The following RBM46 variants were observed in gnomAD, a reference collection of about 807,000 sequenced individuals.
RBM46 encodes RNA binding motif protein 46.
In RBM46, 12 loss-of-function variants were observed where a neutral mutation model predicts 43.3. The ratio of observed to expected loss-of-function variants is 0.28; its 90% confidence interval spans 0.18 to 0.45. The LOEUF is 0.45. Among genes scored for constraint, RBM46 ranks in the 20% least tolerant of loss-of-function variants. RBM46 has a pLI of 1.00. For synonymous variants in RBM46, 205 were observed against 207.6 expected, an observed-to-expected ratio of 0.99 and a Z score of 0.11; for missense variants, 412 against 639.1, an observed-to-expected ratio of 0.64 and a Z score of 3.83.
At chr4:154,799,658 T>C (rs1734523185) in intron 4 of RBM46, 94 bp downstream of exon 4, 1 of 818,936 alleles carries the variant, frequency 1.2e-6, no homozygotes, top group East Asian at 2.9e-5. Context: ...TCAACATTAG[T>C]GGTAAGTATG....
chr4:154,785,911 A>C (rs902481490), intron 1 of RBM46, among the ~76,000 whole-genome samples: 4 of 152,346 alleles, frequency 2.6e-5, no homozygotes, highest in African/African-American at 9.6e-5. Context: ...GTCCACTTGC[A>C]GTTGTAATAT....
intron 4 of RBM46, 26 bp downstream of exon 4, chr4:154,799,590 T>C (rs1734520151): frequency 7.1e-7 from 1 of 1,417,206 alleles, no homozygotes; most frequent in Admixed American, 2.7e-5. Flanking sequence ...CTTTAAATGA[T>C]GTATAATATG....
chr4:154,818,681 C>G (rs1202229794), intron 4 of RBM46, among the ~76,000 whole-genome samples: 1 of 140,532 alleles, frequency 7.1e-6, no homozygotes, highest in Non-Finnish European at 1.6e-5. Flanking sequence ...TGTTCATTTT[C>G]TCTCTTATTT....
At chr4:154,811,892 G>T (rs1199866015) in intron 4 of RBM46, among the ~76,000 whole-genome samples, 1 of 151,942 alleles carries the variant, frequency 6.6e-6, no homozygotes, top group African/African-American at 2.4e-5. Flanking sequence ...TGTTGGCCAG[G>T]CTGGTCACTA....
intron 1 of RBM46, 152 bp downstream of exon 1, chr4:154,781,588 G>C (rs1432393908): frequency 6.6e-6 from 1 of 152,398 alleles, no homozygotes; most frequent in Non-Finnish European, 1.5e-5. Context: ...GTCGAGCAGT[G>C]GGAGGGCAAG....
At position 154,799,155 on chromosome 4, in the gene RBM46, T is replaced by G; in HGVS notation, c.993T>G (p.Ile331Met). ...GQISPNSENL[I>M]VFANKEESHP... is the part of the protein sequence containing the mutation. The stretch of plus-strand genomic sequence containing the variant: ...TTAGTCCAAATTCTGAAAATCTGAT[T>G]GTGTTTGCTAACAAAGAAGAGAGCC... The change falls in exon 4 of 5, where the codon ATT (isoleucine) becomes ATG (methionine). Residue 331 changes from isoleucine to methionine, a missense_variant. By Grantham distance (10) the Ile-to-Met change is conservative (BLOSUM62 1). Around this residue, in one of 8 missense-constraint regions of RBM46, gnomAD observed 105 missense variants for 111.0 expected, o/e 0.95. Transcript: ENST00000281722. 2 of 1,614,140 alleles carry G rather than the reference T, an allele frequency of 1.2e-6. No individual in the cohort carries two copies. The highest frequency in any genetic ancestry group is 1.7e-6 in the Non-Finnish European group (2 of 1,180,028).
chr4:154,807,937 AGT>A (rs1319181718), intron 4 of RBM46, among the ~76,000 whole-genome samples: 1 of 152,032 alleles, frequency 6.6e-6, no homozygotes, highest in African/African-American at 2.4e-5. Flanking sequence ...TGTACACAAT[AGT>A]TCATATTTTA....
chr4:154,825,301 A>T (rs932168805), intron 4 of RBM46, among the ~76,000 whole-genome samples: 3 of 152,126 alleles, frequency 2.0e-5, no homozygotes, highest in Non-Finnish European at 4.4e-5. Flanking sequence ...TACGAAAATT[A>T]TATGTTACAA....
rs143689714 is a variant in RBM46 at position 154,806,330 on chromosome 4, T to C, written c.1402+6766T>C. On this transcript the variant is annotated intron_variant, in intron 4 of 4. Transcript: ENST00000281722. ...GAATCCTTTCTCAGCCATCAACAAATTGTGTGACCTTAGAATGGCAAATGA... is the reference window on the plus strand; with the variant it reads ...GAATCCTTTCTCAGCCATCAACAAACTGTGTGACCTTAGAATGGCAAATGA... 3.9e-4 allele frequency among the ~76,000 whole-genome samples: 60 copies of C among 151,948 alleles called. 1 individual carries two copies. In the East Asian group the frequency reaches 0.01, roughly 26 times the overall value.
intron 4 of RBM46, among the ~76,000 whole-genome samples, chr4:154,817,200 A>T (rs902168030): frequency 1.3e-5 from 2 of 151,980 alleles, no homozygotes; most frequent in African/African-American, 4.8e-5. Flanking sequence ...TTGGTGTTAC[A>T]TCGTTTTTGA....
At chr4:154,825,545 T>G (rs904852532) in intron 4 of RBM46, among the ~76,000 whole-genome samples, 3 of 152,168 alleles carry the variant, frequency 2.0e-5, no homozygotes, top group Non-Finnish European at 2.9e-5. Flanking sequence ...TTGTGAAGGA[T>G]TTTTTTCCTT....
At chr4:154,782,761 G>A (rs772996263) in intron 1 of RBM46, among the ~76,000 whole-genome samples, 4 of 152,178 alleles carry the variant, frequency 2.6e-5, no homozygotes, top group Non-Finnish European at 4.4e-5. Flanking sequence ...GATTACAGGC[G>A]TGAGCCATCG....
intron 1 of RBM46, among the ~76,000 whole-genome samples, chr4:154,790,862 G>C (rs1734052797): frequency 6.6e-6 from 1 of 152,296 alleles, no homozygotes; most frequent in African/African-American, 2.4e-5. Flanking sequence ...AATAAGATGA[G>C]ATTAAGTTGA....
chr4:154,788,652 G>T (rs991334119), intron 1 of RBM46, among the ~76,000 whole-genome samples: 21 of 152,144 alleles, frequency 1.4e-4, no homozygotes, highest in Non-Finnish European at 2.5e-4. Context: ...GCTTAGGATT[G>T]TCTTGGCAAT....
intron 4 of RBM46, among the ~76,000 whole-genome samples, chr4:154,814,778 C>T (rs180853048): frequency 6.6e-6 from 1 of 151,932 alleles, no homozygotes; most frequent in African/African-American, 2.4e-5. Context: ...TATATTTTAT[C>T]ATAATTATAC....
chr4:154,824,244 A>C lies in RBM46; in HGVS notation c.1403-3624A>C, dbSNP rs564745718. Among the ~76,000 whole-genome samples the C allele has an allele frequency of 8.6e-4, 131 of 152,112 alleles. 1 individual carries two copies. The highest frequency in any genetic ancestry group is 2.5e-3 in the African/African-American group (104 of 41,554). Reference sequence around the variant, plus strand: ...GTACCAAATGTTAGAATGTGGAGCAACTCGAAGTCTCATATCTTACTGGTG... The same window carrying C: ...GTACCAAATGTTAGAATGTGGAGCACCTCGAAGTCTCATATCTTACTGGTG... On this transcript the variant is annotated intron_variant, in intron 4 of 4. Transcript: ENST00000281722.
At chr4:154,820,950 G>C (rs949714065) in intron 4 of RBM46, among the ~76,000 whole-genome samples, 2 of 151,808 alleles carry the variant, frequency 1.3e-5, no homozygotes, top group African/African-American at 2.4e-5. Context: ...AGAGGCAAAA[G>C]AATGATGTTT....
chr4:154,818,020 C>A (rs1735540525), intron 4 of RBM46, among the ~76,000 whole-genome samples: 1 of 151,986 alleles, frequency 6.6e-6, no homozygotes, highest in Non-Finnish European at 1.5e-5. Context: ...TGACTTCTTT[C>A]ATTTCTTTTA....
At chr4:154,788,506 G>C (rs1243992593) in intron 1 of RBM46, among the ~76,000 whole-genome samples, 1 of 152,102 alleles carries the variant, frequency 6.6e-6, no homozygotes, top group African/African-American at 2.4e-5. Context: ...TAGATGTGTG[G>C]TATTATTTCT....
Sources: gnomAD v4.1 joint callset for allele counts (sites outside exome capture counted in the v4.1 genomes callset) on GRCh38, gnomAD v4.1.1 for gene constraint, gnomAD v4.1.1 regional missense constraint, MANE v1.5 for transcripts, NCBI Gene and HGNC (gene_info 2026-07-23, HGNC 2026-07-21) for gene names.